The following ADAMTS6 variants were observed in gnomAD, a reference collection of about 807,000 sequenced individuals.
ADAMTS6 encodes ADAM metallopeptidase with thrombospondin type 1 motif 6, also known as A disintegrin and metalloproteinase with thrombospondin motifs 6.
Under a neutral mutation model 144.3 loss-of-function variants are expected in ADAMTS6, and 23 were observed. That is an observed-to-expected ratio of 0.16 (90% CI 0.11 to 0.23). The LOEUF is 0.23. Among genes scored for constraint, ADAMTS6 ranks in the 10% least tolerant of loss-of-function variants. The pLI, the probability that ADAMTS6 is intolerant of heterozygous loss-of-function variation, is 1.00. For missense variants in ADAMTS6, 999 were observed against 1,379.6 expected (o/e 0.72, Z 4.37); for synonymous variants, 444 against 457.5 (o/e 0.97, Z 0.38).
intron 3 of ADAMTS6, among the ~76,000 whole-genome samples, chr5:65,464,139 A>C (rs145288888): frequency 6.6e-6 from 1 of 152,374 alleles, no homozygotes; most frequent in Non-Finnish European, 1.5e-5. Context: ...ATATCTTCTT[A>C]CATCACAGGT....
At chr5:65,340,554 G>C (rs1337972367) in intron 7 of ADAMTS6, among the ~76,000 whole-genome samples, 2 of 151,822 alleles carry the variant, frequency 1.3e-5, no homozygotes, top group African/African-American at 2.4e-5. Flanking sequence ...AGGAGCAAAT[G>C]ATAAACCAAA....
chr5:65,181,595 G>A (rs1022097566), intron 22 of ADAMTS6, among the ~76,000 whole-genome samples: 1 of 152,068 alleles, frequency 6.6e-6, no homozygotes, highest in Admixed American at 6.5e-5. Context: ...TAAATCCTAG[G>A]CCTTGTGACC....
intron 7 of ADAMTS6, among the ~76,000 whole-genome samples, chr5:65,369,489 T>C (rs542988000): frequency 6.6e-6 from 1 of 151,968 alleles, no homozygotes; most frequent in South Asian, 2.1e-4. Flanking sequence ...CATTCACATC[T>C]TTCTTATGTT....
Position 65,189,236 on chromosome 5 carries a change from G to GT in ADAMTS6, c.2706-1017dup, listed in dbSNP as rs200254814. Reference sequence around the variant, plus strand: ...TTTCAGGGGGTTTGTGGTTTGTTTTGTTTTTTTTGCAACACTTCTGCAGGA... The same window carrying GT: ...TTTCAGGGGGTTTGTGGTTTGTTTTGTTTTTTTTTGCAACACTTCTGCAGGA... On this transcript the variant is annotated intron_variant, in intron 21 of 24. Coordinates refer to ENST00000381055, the MANE Select transcript of ADAMTS6 (RefSeq NM_197941.4). Among the ~76,000 whole-genome samples, 817 of 151,846 alleles carry GT rather than the reference G, an allele frequency of 5.4e-3. 7 individuals carry two copies. The highest frequency in any genetic ancestry group is 0.017 in the African/African-American group (714 of 41,428).
intron 7 of ADAMTS6, among the ~76,000 whole-genome samples, chr5:65,369,524 C>G (rs1289056134): frequency 6.9e-6 from 1 of 144,914 alleles, no homozygotes; most frequent in Non-Finnish European, 1.5e-5. Flanking sequence ...CCATTAATCA[C>G]TGTTACGCTT....
chr5:65,169,854 G>T (rs1208607368), intron 24 of ADAMTS6, among the ~76,000 whole-genome samples: 1 of 143,490 alleles, frequency 7.0e-6, no homozygotes, highest in Non-Finnish European at 1.5e-5. Context: ...CATGGACACA[G>T]GAAGGGGAAT....
chr5:65,343,921 C>T (rs1748083081), intron 7 of ADAMTS6, among the ~76,000 whole-genome samples: 1 of 152,050 alleles, frequency 6.6e-6, no homozygotes, highest in Non-Finnish European at 1.5e-5. Flanking sequence ...CAAAAAAAGA[C>T]ATTCGAATGG....
intron 14 of ADAMTS6, among the ~76,000 whole-genome samples, 175 bp downstream of exon 14, chr5:65,260,425 T>A (rs1459389319): frequency 6.6e-6 from 1 of 152,112 alleles, no homozygotes; most frequent in Non-Finnish European, 1.5e-5. Flanking sequence ...CCCTTGACCC[T>A]TATTAATGGA....
intron 18 of ADAMTS6, among the ~76,000 whole-genome samples, chr5:65,216,745 TAAAC>T (rs1756946694): frequency 6.6e-6 from 1 of 150,608 alleles, no homozygotes; most frequent in Admixed American, 6.6e-5. Flanking sequence ...TATTGATAGA[TAAAC>T]ATGCATACTT....
chr5:65,157,520 T>G (rs185886601), intron 24 of ADAMTS6, among the ~76,000 whole-genome samples: 1 of 152,338 alleles, frequency 6.6e-6, no homozygotes, highest in African/African-American at 2.4e-5. Context: ...GGTTGGACCA[T>G]CAGCATCTCT....
rs1751094157 is a variant in ADAMTS6 at position 65,372,781 on chromosome 5, C to T, written c.1074-38696G>A. Among the ~76,000 whole-genome samples, 3 of 152,198 alleles carry T rather than the reference C, an allele frequency of 2.0e-5. No individual in the cohort carries two copies. The South Asian group carries it at 6.2e-4, about 31-fold the overall frequency. On this transcript the variant is annotated intron_variant, in intron 7 of 24. Transcript: ENST00000381055. ...CCTAATAGACATCTACAGAACTCTC[C>T]ACCCCAAATCAACAGAATATACATT...
In ADAMTS6 at chr5:65,452,697, T is replaced by C. The variant is rs1211317315; in HGVS notation, c.843+10A>G. 2 of 1,613,350 alleles carry C rather than the reference T, an allele frequency of 1.2e-6. No individual in the cohort carries two copies. Among genetic ancestry groups the C allele is most frequent in the Non-Finnish European group, 1.7e-6 (2 of 1,179,532 alleles). ...TGAAGTAAAATATTATATAGAGGGA[T>C]CAAACTTACAATATTCATCACACTC... On this transcript the variant is annotated intron_variant, in intron 5 of 24. Transcript: ENST00000381055.
At chr5:65,152,901 T>G (rs1005483880) in intron 24 of ADAMTS6, among the ~76,000 whole-genome samples, 1 of 152,214 alleles carries the variant, frequency 6.6e-6, no homozygotes, top group Non-Finnish European at 1.5e-5. Context: ...AGAACCAAAG[T>G]TCCACCCTCA....
intron 7 of ADAMTS6, among the ~76,000 whole-genome samples, chr5:65,354,401 T>A (rs1749134234): frequency 6.6e-6 from 1 of 151,716 alleles, no homozygotes; most frequent in East Asian, 1.9e-4. Context: ...TTTCTACAAA[T>A]AATACAAATA....
chr5:65,202,566 CATTATA>C (rs1197844826), intron 20 of ADAMTS6, among the ~76,000 whole-genome samples: 1 of 151,974 alleles, frequency 6.6e-6, no homozygotes, highest in Non-Finnish European at 1.5e-5. Flanking sequence ...GGGCAAGTAC[CATTATA>C]ATTATATTAC....
intron 7 of ADAMTS6, among the ~76,000 whole-genome samples, chr5:65,421,340 G>A (rs1756023806): frequency 1.3e-5 from 2 of 152,084 alleles, no homozygotes; most frequent in Admixed American, 1.3e-4. Context: ...AGTTTTGCTG[G>A]ATACAAAATT....
chr5:65,208,955 G>A (rs1037404832), intron 20 of ADAMTS6, among the ~76,000 whole-genome samples: 2 of 152,188 alleles, frequency 1.3e-5, no homozygotes, highest in African/African-American at 2.4e-5. Flanking sequence ...GCCTCCCCTA[G>A]ACTACTGAAT....
At chr5:65,471,517 CA>C (rs1760432860) in intron 2 of ADAMTS6, among the ~76,000 whole-genome samples, 1 of 151,756 alleles carries the variant, frequency 6.6e-6, no homozygotes. Context: ...GAAAGTTATC[CA>C]AAAAAGAATC....
intron 20 of ADAMTS6, among the ~76,000 whole-genome samples, chr5:65,208,807 T>C (rs964044511): frequency 6.6e-6 from 1 of 152,222 alleles, no homozygotes; most frequent in Non-Finnish European, 1.5e-5. Flanking sequence ...ATATAGATTA[T>C]TACCTAAAAG....
Sources: allele counts gnomAD v4.1 joint callset (sites outside exome capture counted in the v4.1 genomes callset), GRCh38; gene constraint gnomAD v4.1.1; transcripts MANE v1.5; gene names NCBI Gene and HGNC (gene_info 2026-07-23, HGNC 2026-07-21).